ABCA10: variants seen among roughly 807,000 people sequenced by gnomAD.
ABCA10 encodes ATP binding cassette subfamily A member 10.
A neutral mutation model predicts 187.5 loss-of-function variants in ABCA10; 169 were observed. The ratio of observed to expected loss-of-function variants is 0.90; its 90% CI spans 0.80 to 1.02. ABCA10 has a LOEUF of 1.02. Among genes scored for constraint, ABCA10 ranks in the 50% least tolerant of loss-of-function variants. ABCA10 has a pLI of 0.00. For missense variants in ABCA10, 1,727 were observed against 1,812.4 expected, an observed-to-expected ratio of 0.95 and a Z score of 0.86; for synonymous variants, 574 against 601.8, an observed-to-expected ratio of 0.95 and a Z score of 0.68.
intron 20 of ABCA10, among the ~76,000 whole-genome samples, chr17:69,183,185 TAC>T (rs2074393660): frequency 6.6e-6 from 1 of 152,204 alleles, no homozygotes; most frequent in African/African-American, 2.4e-5. Context: ...ATACAAAATA[TAC>T]CTCATGACCC....
intron 25 of ABCA10, among the ~76,000 whole-genome samples, chr17:69,170,437 CAA>C (rs71144658): frequency 0.1 from 10,933 of 109,868 alleles, 467 homozygotes; most frequent in Admixed American, 0.18. Flanking sequence ...TTTTACTCAT[CAA>C]AAAAAAAAAA....
intron 11 of ABCA10, among the ~76,000 whole-genome samples, chr17:69,194,784 A>G (rs1277138590): frequency 6.6e-6 from 1 of 152,198 alleles, no homozygotes; most frequent in Non-Finnish European, 1.5e-5. Flanking sequence ...TAAAACAAAG[A>G]CTACTAGAAA....
chr17:69,153,990 C>T lies in ABCA10; in HGVS notation c.3806G>A (p.Arg1269Lys), dbSNP rs777515195. The change falls in exon 32 of 39, where the codon AGA (arginine) becomes AAA (lysine). Residue 1269 changes from arginine to lysine, a missense_variant. Transcript: ENST00000690296. The stretch of plus-strand genomic sequence containing the variant: ...GTCATGCTGTTGCCTTACTGATGCT[C>T]TGCTGCCTTGTAACACCACCTGCAC... ...TAGVVVLQGSRASVRQQHDNS... is the reference protein window; with the variant it reads ...TAGVVVLQGSKASVRQQHDNS... 15 of 1,613,786 alleles carry T rather than the reference C, an allele frequency of 9.3e-6. No homozygotes were observed. Among genetic ancestry groups the T allele is most frequent in the South Asian group, 2.2e-5 (2 of 91,022 alleles).
At chr17:69,172,125 T>C (rs916610538) in intron 25 of ABCA10, among the ~76,000 whole-genome samples, 2 of 152,004 alleles carry the variant, frequency 1.3e-5, no homozygotes, top group African/African-American at 4.8e-5. Context: ...AGCATGTAAG[T>C]AGGGTAAGAA....
chr17:69,211,454 C>A (rs1461626753), intron 9 of ABCA10, among the ~76,000 whole-genome samples: 1 of 149,748 alleles, frequency 6.7e-6, no homozygotes, highest in African/African-American at 2.5e-5. Flanking sequence ...TTTTGTTATG[C>A]CCTTTCCTGG....
At chr17:69,164,269 T>C (rs1172335149) in intron 26 of ABCA10, 115 bp from the exon 27 acceptor site, 3 of 776,812 alleles carry the variant, frequency 3.9e-6, no homozygotes, top group Non-Finnish European at 5.8e-6. Flanking sequence ...AAGTATTCCA[T>C]GAATTGAGAT....
At chr17:69,243,651 A>C (rs1030138353) in intron 1 of ABCA10, among the ~76,000 whole-genome samples, 9 of 152,214 alleles carry the variant, frequency 5.9e-5, no homozygotes, top group Non-Finnish European at 1.5e-5. Flanking sequence ...TAATTCCGAC[A>C]CTTTGGGAGG....
Position 69,225,466 on chromosome 17 carries a change from T to C in ABCA10, c.-108A>G, listed in dbSNP as rs1415653787. On this transcript the variant is annotated 5_prime_UTR_variant, in exon 3 of 39. Coordinates refer to ENST00000690296, the MANE Select transcript of ABCA10 (RefSeq NM_001377321.1). Reference sequence around the variant, plus strand: ...TTAGGAGGTTGTTCAGGAAAACGGGTAGCTCTGAAGTGTTCCGAAAAGATG... The same window carrying C: ...TTAGGAGGTTGTTCAGGAAAACGGGCAGCTCTGAAGTGTTCCGAAAAGATG... The C allele has an allele frequency of 1.7e-6, 2 of 1,157,470 alleles. No homozygotes were observed. The highest frequency in any genetic ancestry group is 2.5e-6 in the Non-Finnish European group (2 of 784,852). The allele number at this position is 1,157,470 out of a possible 1,614,324, so 71.7% of individuals were successfully genotyped here.
intron 25 of ABCA10, among the ~76,000 whole-genome samples, chr17:69,168,720 A>T (rs2144772282): frequency 6.6e-6 from 1 of 152,280 alleles, no homozygotes; most frequent in Non-Finnish European, 1.5e-5. Flanking sequence ...CCAGTGGGAG[A>T]TGACTGAGTT....
In ABCA10 at chr17:69,216,218, A is replaced by G; in HGVS notation, c.671T>C (p.Leu224Ser). The G allele has an allele frequency of 6.2e-7, 1 of 1,607,254 alleles. No homozygotes were observed. Among genetic ancestry groups the G allele is most frequent in the East Asian group, 2.2e-5 (1 of 44,788 alleles). The change falls in exon 7 of 39, where the codon TTG becomes TCG. Residue 224 changes from leucine to serine, a missense_variant and splice_region_variant. By Grantham distance (145) the Leu-to-Ser change is moderately radical. Coordinates refer to ENST00000690296, the MANE Select transcript of ABCA10 (RefSeq NM_001377321.1). ...GGTAATATGCTTTTACCAACTCACC[A>G]AAGAAAGGCCATATAAGCTATAGAG... ...FTLYSLYGLS[L>S]IALAFLMSVL... is the part of the protein sequence containing the mutation.
intron 36 of ABCA10, 115 bp downstream of exon 36, chr17:69,151,928 T>C: frequency 6.9e-7 from 1 of 1,443,908 alleles, no homozygotes; most frequent in African/African-American, 1.4e-5. Context: ...CAGGTTGTTT[T>C]GTGATGAATA....
chr17:69,151,148 T>A (rs929584417), intron 36 of ABCA10, among the ~76,000 whole-genome samples: 2 of 152,178 alleles, frequency 1.3e-5, no homozygotes, highest in African/African-American at 4.8e-5. Context: ...CACTTGGATA[T>A]CTCTTTACAC....
intron 9 of ABCA10, among the ~76,000 whole-genome samples, chr17:69,202,761 C>T (rs1299357599): frequency 1.6e-5 from 2 of 127,872 alleles, no homozygotes; most frequent in East Asian, 2.0e-4. Context: ...TTAAAAATGG[C>T]TTGACAGTTA....
chr17:69,208,335 GTGA>G (rs2074607298), intron 9 of ABCA10, among the ~76,000 whole-genome samples: 2 of 147,650 alleles, frequency 1.4e-5, no homozygotes, highest in African/African-American at 5.1e-5. Context: ...GGAGAATGGC[GTGA>G]ACCCGGGATG....
At chr17:69,164,402 G>A (rs895194128) in intron 26 of ABCA10, among the ~76,000 whole-genome samples, 1 of 152,058 alleles carries the variant, frequency 6.6e-6, no homozygotes, top group East Asian at 1.9e-4. Context: ...TCTCTTTAGT[G>A]GGAGTGACAA....
At chr17:69,218,895 A>G (rs571032063) in intron 6 of ABCA10, among the ~76,000 whole-genome samples, 1 of 152,120 alleles carries the variant, frequency 6.6e-6, no homozygotes, top group East Asian at 1.9e-4. Flanking sequence ...TCTGCTCCTC[A>G]CTGTTATGAA....
At chr17:69,194,615 C>T (rs950879816) in intron 11 of ABCA10, 120 bp from the exon 12 acceptor site, 24 of 598,780 alleles carry the variant, frequency 4.0e-5, no homozygotes, top group Non-Finnish European at 6.5e-5. Context: ...TAATACATCC[C>T]CTATAAAATT....
In ABCA10 at chr17:69,191,218, G is replaced by A. The variant is rs1568062269; in HGVS notation, c.1969C>T (p.Leu657Phe). 3.1e-6 allele frequency: 5 copies of A among 1,603,766 alleles called. No homozygotes were observed. The highest frequency in any genetic ancestry group is 3.4e-6 in the Non-Finnish European group (4 of 1,174,402). Reference sequence around the variant, plus strand: ...TTTTCCAAAGGCAAACTATATACAAGTTTTTCTTCACTTTCTGTTGTTAAC... The same window carrying A: ...TTTTCCAAAGGCAAACTATATACAAATTTTTCTTCACTTTCTGTTGTTAAC... ...AKLTTESEEKLVYSLPLEKTN... is the reference protein window; with the variant it reads ...AKLTTESEEKFVYSLPLEKTN... Residue 657 changes from leucine to phenylalanine, a missense_variant, in exon 17 of 39, where the codon CTT becomes TTT. Coordinates refer to ENST00000690296, the MANE Select transcript of ABCA10 (RefSeq NM_001377321.1).
chr17:69,214,716 G>T lies in ABCA10; in HGVS notation c.994C>A (p.Arg332=), dbSNP rs200246933. Residue 332 remains arginine, a synonymous_variant, in exon 9 of 39, where the codon CGA becomes AGA. Transcript: ENST00000690296. ...ACTATTAACTTACCAGGTAAAACTCGCTCAAAATATAATGTGAATATCAAA... is the reference window on the plus strand; with the variant it reads ...ACTATTAACTTACCAGGTAAAACTCTCTCAAAATATAATGTGAATATCAAA... ...FYLIFTLYFE[R]VLPDKDGHGD... 1 of 1,503,424 alleles carries T rather than the reference G, an allele frequency of 6.7e-7. No homozygotes were observed. Among genetic ancestry groups the T allele is most frequent in the Non-Finnish European group, 8.8e-7 (1 of 1,133,158 alleles). The allele number at this position is 1,503,424 out of a possible 1,614,324, so 93.1% of individuals were successfully genotyped here.
Sources: gnomAD v4.1 joint callset for allele counts (sites outside exome capture counted in the v4.1 genomes callset) on GRCh38, gnomAD v4.1.1 for gene constraint, MANE v1.5 for transcripts, NCBI Gene and HGNC (gene_info 2026-07-23, HGNC 2026-07-21) for gene names.